The following AKAP12 variants were observed in gnomAD, a reference collection of about 807,000 sequenced individuals.
AKAP12 encodes the protein A-kinase anchor protein 12.
In AKAP12, 32 loss-of-function variants were observed where a neutral mutation model predicts 79.9. The ratio of observed to expected loss-of-function variants is 0.40; its 90% confidence interval spans 0.30 to 0.54. The LOEUF (loss-of-function observed/expected upper bound fraction) is 0.54, where lower values mean the gene tolerates loss of function less well. Among genes scored for constraint, AKAP12 ranks in the 20% least tolerant of loss-of-function variants. The pLI, the probability that AKAP12 is intolerant of heterozygous loss-of-function variation, is 0.48. For missense variants in AKAP12, 2,074 were observed against 2,177.0 expected, an observed-to-expected ratio of 0.95 and a Z score of 0.94; for synonymous variants, 808 against 857.0, an observed-to-expected ratio of 0.94 and a Z score of 1.00.
At chr6:151,249,572 T>C (rs1183060863) in intron 2 of AKAP12, among the ~76,000 whole-genome samples, 1 of 152,210 alleles carries the variant, frequency 6.6e-6, no homozygotes, top group East Asian at 1.9e-4. Flanking sequence ...GTTAAAGTTC[T>C]CTCTTTCATA....
chr6:151,302,132 T>G (rs1412398034), intron 2 of AKAP12, among the ~76,000 whole-genome samples: 1 of 151,942 alleles, frequency 6.6e-6, no homozygotes, highest in Non-Finnish European at 1.5e-5. Context: ...TGCCTCAGCT[T>G]CCCTAGTAGC....
intron 2 of AKAP12, among the ~76,000 whole-genome samples, chr6:151,297,178 C>T (rs1038141493): frequency 7.9e-5 from 12 of 151,706 alleles, no homozygotes; most frequent in Non-Finnish European, 1.6e-4. Flanking sequence ...CTGATACACA[C>T]CACACAACTC....
chr6:151,314,527 G>A (rs532873774), intron 3 of AKAP12, among the ~76,000 whole-genome samples: 148 of 152,226 alleles, frequency 9.7e-4, no homozygotes, highest in African/African-American at 3.3e-3. Context: ...AATGACTGGC[G>A]GTCAGGACTA....
At position 151,303,781 on chromosome 6, in the gene AKAP12, G is replaced by C. The variant is rs958003100; in HGVS notation, c.163-1966G>C. Among the ~76,000 whole-genome samples the C allele has an allele frequency of 2.0e-5, 3 of 152,126 alleles. No homozygotes were observed. The East Asian group carries it at 5.8e-4, about 29-fold the overall frequency. The stretch of plus-strand genomic sequence containing the variant: ...TAACAGGACCTTCAAAGCATGGCAC[G>C]TATCTTTGTAATTGTGTGTAGTAAC... On this transcript the variant is annotated intron_variant, in intron 2 of 4. Transcript: ENST00000402676.
chr6:151,311,639 C>A (rs72996056), intron 3 of AKAP12, among the ~76,000 whole-genome samples: 1 of 152,144 alleles, frequency 6.6e-6, no homozygotes, highest in Non-Finnish European at 1.5e-5. Flanking sequence ...TGAGTATTTT[C>A]CCCCAGATAT....
chr6:151,294,961 C>A (rs1165335456), intron 2 of AKAP12, among the ~76,000 whole-genome samples: 1 of 152,164 alleles, frequency 6.6e-6, no homozygotes, highest in African/African-American at 2.4e-5. Context: ...TCAGAATGCA[C>A]ATTAAAGAGT....
intron 3 of AKAP12, 58 bp downstream of exon 3, chr6:151,305,961 C>A (rs2294793): frequency 2.6e-6 from 4 of 1,520,326 alleles, no homozygotes; most frequent in Non-Finnish European, 3.5e-6. Flanking sequence ...ACTTTGGACT[C>A]AGCAGAAAAT....
chr6:151,319,540 A>C (rs1777323827), intron 3 of AKAP12: 1 of 77,546 alleles, frequency 1.3e-5, no homozygotes, highest in South Asian at 4.4e-4. Context: ...ATATATATAT[A>C]GATATAGATA....
At chr6:151,309,982 A>C (rs1039493249) in intron 3 of AKAP12, among the ~76,000 whole-genome samples, 1 of 152,048 alleles carries the variant, frequency 6.6e-6, no homozygotes, top group Non-Finnish European at 1.5e-5. Context: ...GAAAAAAAAA[A>C]AAAGAAAAAG....
chr6:151,286,691 G>A (rs991928018), intron 2 of AKAP12, among the ~76,000 whole-genome samples: 1 of 152,156 alleles, frequency 6.6e-6, no homozygotes, highest in Non-Finnish European at 1.5e-5. Flanking sequence ...ATTTATTTAA[G>A]CGCATATGAA....
At chr6:151,267,644 G>C (rs1003731607) in intron 2 of AKAP12, among the ~76,000 whole-genome samples, 2 of 152,136 alleles carry the variant, frequency 1.3e-5, no homozygotes, top group Non-Finnish European at 2.9e-5. Context: ...TAGATATGTA[G>C]AACAAACAAC....
intron 2 of AKAP12, among the ~76,000 whole-genome samples, chr6:151,281,422 A>G (rs927381400): frequency 2.0e-5 from 3 of 152,134 alleles, no homozygotes; most frequent in East Asian, 1.9e-4. Flanking sequence ...CTGTAGGTCT[A>G]TGTATTGGTT....
intron 2 of AKAP12, among the ~76,000 whole-genome samples, chr6:151,259,344 C>G (rs991797300): frequency 6.6e-6 from 1 of 150,964 alleles, no homozygotes; most frequent in Admixed American, 6.6e-5. Context: ...CGGCGCCCGG[C>G]CTATATTTTT....
At position 151,352,943 on chromosome 6, in the gene AKAP12, C is replaced by T; in HGVS notation, c.4552C>T (p.Gln1518Ter). 1 of 1,612,164 alleles carries T rather than the reference C, an allele frequency of 6.2e-7. No homozygotes were observed. Among genetic ancestry groups the T allele is most frequent in the African/African-American group, 1.3e-5 (1 of 74,242 alleles). The change falls in exon 4 of 5, where the codon CAG (glutamine) becomes TAG (stop). Residue 1518 changes from glutamine (Q) to a stop codon, truncating the protein, a stop_gained. Transcript: ENST00000402676. LOFTEE classifies it low-confidence loss of function (END_TRUNC). ...LKWKSDEVDE[Q>*]VACQEVKVSV... ...GTGGAAGTCAGATGAAGTCGATGAG[C>T]AGGTTGCTTGCCAGGAGGTCAAAGT...
chr6:151,259,502 A>G (rs1337387975), intron 2 of AKAP12, among the ~76,000 whole-genome samples: 2 of 94,656 alleles, frequency 2.1e-5, no homozygotes, highest in African/African-American at 4.6e-5. Flanking sequence ...ATATACATGT[A>G]TATATATATA....
intron 2 of AKAP12, among the ~76,000 whole-genome samples, chr6:151,283,601 A>G (rs1776447123): frequency 6.6e-6 from 1 of 152,302 alleles, no homozygotes; most frequent in South Asian, 2.1e-4. Flanking sequence ...ATAAATCCCC[A>G]TTGTACCAAT....
intron 3 of AKAP12, chr6:151,325,220 A>G: frequency 1.0e-6 from 1 of 985,460 alleles, no homozygotes; most frequent in South Asian, 4.7e-5. Flanking sequence ...ACAGATGCCA[A>G]GAAGGGAGGT....
At chr6:151,346,527 C>G (rs1340363159) in intron 3 of AKAP12, among the ~76,000 whole-genome samples, 1 of 152,188 alleles carries the variant, frequency 6.6e-6, no homozygotes, top group Admixed American at 6.5e-5. Context: ...TGATTAGATA[C>G]CATTAAACCT....
intron 4 of AKAP12, 104 bp downstream of exon 4, chr6:151,353,856 A>T (rs1778368161): frequency 1.4e-6 from 1 of 726,030 alleles, no homozygotes; most frequent in Non-Finnish European, 2.2e-6. Flanking sequence ...CTTCGTGTAG[A>T]ACCTTCAGTT....
Sources: gnomAD v4.1 joint callset for allele counts (sites outside exome capture counted in the v4.1 genomes callset) on GRCh38, gnomAD v4.1.1 for gene constraint, MANE v1.5 for transcripts, NCBI Gene and HGNC (gene_info 2026-07-23, HGNC 2026-07-21) for gene names.